ARHGAP15: variants seen among roughly 807,000 people sequenced by gnomAD.
ARHGAP15 encodes the protein rho GTPase-activating protein 15.
In ARHGAP15, 51 loss-of-function variants were observed where a neutral mutation model predicts 63.7. That is an observed-to-expected ratio of 0.80 (90% confidence interval 0.64 to 1.01). The LOEUF is 1.01. Ranked by LOEUF, ARHGAP15 falls within the 50% of genes least tolerant of loss-of-function variation. The pLI, the probability that ARHGAP15 is intolerant of heterozygous loss-of-function variation, is 0.00. For synonymous variants in ARHGAP15, 191 were observed against 193.8 expected (o/e 0.99, Z 0.12); for missense variants, 560 against 564.6 (o/e 0.99, Z 0.08).
chr2:143,150,210 AT>A (rs1689762091), intron 1 of ARHGAP15, among the ~76,000 whole-genome samples: 1 of 151,974 alleles, frequency 6.6e-6, no homozygotes, highest in Non-Finnish European at 1.5e-5. Flanking sequence ...TACTTAATAT[AT>A]TTTTACTTTT....
intron 13 of ARHGAP15, among the ~76,000 whole-genome samples, chr2:143,763,206 T>G (rs1018008037): frequency 6.6e-6 from 1 of 152,144 alleles, no homozygotes; most frequent in Non-Finnish European, 1.5e-5. Flanking sequence ...AGACATATAA[T>G]AATATAATTT....
chr2:143,419,661 CACAT>C (rs906012832), intron 6 of ARHGAP15, among the ~76,000 whole-genome samples: 1 of 138,392 alleles, frequency 7.2e-6, no homozygotes. Flanking sequence ...TATATACAAA[CACAT>C]ATATATGTAT....
chr2:143,360,495 A>C (rs1443370020), intron 6 of ARHGAP15, among the ~76,000 whole-genome samples: 2 of 145,218 alleles, frequency 1.4e-5, no homozygotes, highest in Non-Finnish European at 3.0e-5. Context: ...ACACGATATA[A>C]ATTTTAGCAA....
intron 2 of ARHGAP15, among the ~76,000 whole-genome samples, chr2:143,197,444 C>T (rs1043338270): frequency 6.6e-6 from 1 of 151,854 alleles, no homozygotes; most frequent in African/African-American, 2.4e-5. Context: ...TTAGGAGAGA[C>T]TTTTTTCCCT....
chr2:143,299,204 A>G (rs1413900070), intron 6 of ARHGAP15, among the ~76,000 whole-genome samples: 1 of 152,004 alleles, frequency 6.6e-6, no homozygotes, highest in Non-Finnish European at 1.5e-5. Flanking sequence ...TATGAAACAT[A>G]CTTGAACAAA....
intron 6 of ARHGAP15, among the ~76,000 whole-genome samples, chr2:143,308,333 T>A (rs1683272400): frequency 6.6e-6 from 1 of 152,136 alleles, no homozygotes; most frequent in Middle Eastern, 3.2e-3. Context: ...GCAAGCACTT[T>A]GTAGCCAGAA....
At chr2:143,282,470 AG>A (rs1395174586) in intron 6 of ARHGAP15, among the ~76,000 whole-genome samples, 1 of 152,106 alleles carries the variant, frequency 6.6e-6, no homozygotes, top group Non-Finnish European at 1.5e-5. Context: ...GCAGGCAAAG[AG>A]GGAGAACTTG....
intron 10 of ARHGAP15, among the ~76,000 whole-genome samples, chr2:143,552,952 A>C (rs1199709290): frequency 6.6e-6 from 1 of 152,176 alleles, no homozygotes; most frequent in Non-Finnish European, 1.5e-5. Context: ...ACGTCTAATT[A>C]TATTTCCAAA....
intron 12 of ARHGAP15, among the ~76,000 whole-genome samples, chr2:143,702,689 G>A (rs1233492326): frequency 1.3e-5 from 2 of 152,134 alleles, no homozygotes; most frequent in South Asian, 2.1e-4. Context: ...GTAGGCCTGC[G>A]GTATCCCTAG....
At chr2:143,599,474 G>A (rs1697673767) in intron 11 of ARHGAP15, among the ~76,000 whole-genome samples, 1 of 151,924 alleles carries the variant, frequency 6.6e-6, no homozygotes, top group Non-Finnish European at 1.5e-5. Context: ...GAGTGTTGAG[G>A]ATCGCTTGAA....
chr2:143,428,144 T>A (rs1300047800), intron 6 of ARHGAP15, among the ~76,000 whole-genome samples: 2 of 152,038 alleles, frequency 1.3e-5, no homozygotes, highest in Non-Finnish European at 2.9e-5. Context: ...GGGGAATATC[T>A]ATTTCAAAGA....
chr2:143,471,309 A>G (rs1005874674), intron 8 of ARHGAP15, among the ~76,000 whole-genome samples: 2 of 149,260 alleles, frequency 1.3e-5, no homozygotes, highest in African/African-American at 5.1e-5. Flanking sequence ...GTATATATGC[A>G]CACACATACT....
intron 13 of ARHGAP15, among the ~76,000 whole-genome samples, chr2:143,712,949 G>T (rs918571617): frequency 3.3e-5 from 5 of 152,168 alleles, no homozygotes; most frequent in African/African-American, 4.8e-5. Flanking sequence ...AGAAATTTGT[G>T]TCATTTTGAT....
At chr2:143,491,277 G>C (rs187114973) in intron 9 of ARHGAP15, among the ~76,000 whole-genome samples, 1 of 152,318 alleles carries the variant, frequency 6.6e-6, no homozygotes, top group East Asian at 1.9e-4. Flanking sequence ...TTTTGGAACT[G>C]AAGTAACAGC....
intron 11 of ARHGAP15, among the ~76,000 whole-genome samples, chr2:143,604,268 A>C (rs1391277131): frequency 6.6e-6 from 1 of 152,114 alleles, no homozygotes; most frequent in African/African-American, 2.4e-5. Flanking sequence ...TTTTATATTA[A>C]TTTTTTGGTG....
chr2:143,352,989 A>G (rs950103183), intron 6 of ARHGAP15, among the ~76,000 whole-genome samples: 1 of 152,182 alleles, frequency 6.6e-6, no homozygotes, highest in South Asian at 2.1e-4. Context: ...AAATTTTCTG[A>G]TTTAGGGTTT....
chr2:143,224,948 A>G (rs1157639214), intron 4 of ARHGAP15, among the ~76,000 whole-genome samples: 1 of 152,222 alleles, frequency 6.6e-6, no homozygotes, highest in Non-Finnish European at 1.5e-5. Flanking sequence ...CCAAGGACAG[A>G]AAACCAAACA....
At chr2:143,712,320 C>CT (rs1684616845) in intron 13 of ARHGAP15, among the ~76,000 whole-genome samples, 1 of 152,222 alleles carries the variant, frequency 6.6e-6, no homozygotes, top group African/African-American at 2.4e-5. Flanking sequence ...AAGGACCAAA[C>CT]TGGAGGCATG....
intron 13 of ARHGAP15, among the ~76,000 whole-genome samples, chr2:143,730,892 TAAAA>T (rs1158246680): frequency 9.5e-5 from 8 of 84,034 alleles, no homozygotes; most frequent in Non-Finnish European, 8.9e-5. Context: ...AGCACTCCTT[TAAAA>T]AAAAAAAAAA....
Sources: gnomAD v4.1 joint callset for allele counts (sites outside exome capture counted in the v4.1 genomes callset) on GRCh38, gnomAD v4.1.1 for gene constraint, MANE v1.5 for transcripts, NCBI Gene and HGNC (gene_info 2026-07-23, HGNC 2026-07-21) for gene names.